The following KAT6A variants were observed in gnomAD, a reference collection of about 807,000 sequenced individuals.
KAT6A encodes the protein lysine acetyltransferase 6A, also known as histone acetyltransferase KAT6A.
A neutral mutation model predicts 198.4 loss-of-function variants in KAT6A; 9 were observed. That is an observed-to-expected ratio of 0.05 (90% CI 0.03 to 0.08). The LOEUF is 0.08. Among genes scored for constraint, KAT6A ranks in the 10% least tolerant of loss-of-function variants. The pLI is 1.00. For synonymous variants in KAT6A, 890 were observed against 883.0 expected (o/e 1.01, Z -0.14); for missense variants, 2,077 against 2,509.9 (o/e 0.83, Z 3.69).
chr8:41,937,314 G>C lies in KAT6A; in HGVS notation c.3294C>G (p.Ser1098=), dbSNP rs1449293048. Reference sequence around the variant, plus strand: ...CATCTTTAGACTTCCTCTTAGAAGAGGACTGACACCTGAGTACATCCTGCG... The same window carrying C: ...CATCTTTAGACTTCCTCTTAGAAGACGACTGACACCTGAGTACATCCTGCG... ...LSSQDVLRCQ[S]SSKRKSKDEE... The change falls in exon 16 of 17, where the codon TCC becomes TCG. Residue 1098 remains serine (S), a synonymous_variant. Coordinates refer to ENST00000265713, the MANE Select transcript of KAT6A (RefSeq NM_006766.5). 6.2e-7 allele frequency: 1 copy of C among 1,614,080 alleles called. No individual in the cohort carries two copies. Among genetic ancestry groups the C allele is most frequent in the Admixed American group, 1.7e-5 (1 of 60,024 alleles).
chr8:41,984,036 C>A (rs1200286219), intron 3 of KAT6A, among the ~76,000 whole-genome samples: 3 of 152,212 alleles, frequency 2.0e-5, no homozygotes, highest in Non-Finnish European at 4.4e-5. Context: ...TATTTTCCCC[C>A]AAATTATTCT....
At chr8:41,998,829 C>T (rs1825351439) in intron 2 of KAT6A, among the ~76,000 whole-genome samples, 1 of 151,726 alleles carries the variant, frequency 6.6e-6, no homozygotes, top group Non-Finnish European at 1.5e-5. Context: ...AAGTACACAC[C>T]TGCAAAAGAT....
At chr8:41,975,860 T>G (rs920654804) in intron 7 of KAT6A, among the ~76,000 whole-genome samples, 5 of 152,202 alleles carry the variant, frequency 3.3e-5, no homozygotes, top group African/African-American at 4.8e-5. Context: ...ATAAACCGTC[T>G]CCAGTACAAA....
intron 2 of KAT6A, among the ~76,000 whole-genome samples, chr8:42,047,792 C>G (rs899332924): frequency 6.6e-6 from 1 of 152,166 alleles, no homozygotes; most frequent in Non-Finnish European, 1.5e-5. Context: ...AGGACTTCAT[C>G]ATATGCAAAG....
chr8:42,048,444 C>T lies in KAT6A; in HGVS notation c.534G>A (p.Gly178=), dbSNP rs1350731443. ...RLNTKATNVD[G]KESCESLSCL... is the part of the protein sequence containing the mutation. ...AGGAAAGAGACTCACAACTCTCTTTCCCATCCACGTTGGTTGCTTTAGTGT... is the reference window on the plus strand; with the variant it reads ...AGGAAAGAGACTCACAACTCTCTTTTCCATCCACGTTGGTTGCTTTAGTGT... Residue 178 remains glycine, a synonymous_variant, in exon 2 of 17, where the codon GGG becomes GGA. Coordinates refer to ENST00000265713, the MANE Select transcript of KAT6A (RefSeq NM_006766.5). The T allele has an allele frequency of 1.2e-6, 2 of 1,613,922 alleles. No homozygotes were observed. Among genetic ancestry groups the T allele is most frequent in the South Asian group, 2.2e-5 (2 of 91,080 alleles).
In KAT6A at chr8:41,930,745, T is replaced by A. The variant is rs1821500481; in HGVS notation, c.*1460A>T. On this transcript the variant is annotated 3_prime_UTR_variant, in exon 17 of 17. Coordinates refer to ENST00000265713, the MANE Select transcript of KAT6A (RefSeq NM_006766.5). ...ATATATATATTTTTTTTTTTTTTTTTTTTTTTTTTACCTATCCCTGGAGCA... is the reference window on the plus strand; with the variant it reads ...ATATATATATTTTTTTTTTTTTTTTATTTTTTTTTACCTATCCCTGGAGCA... 1 of 151,576 alleles carries A rather than the reference T, an allele frequency of 6.6e-6. No individual in the cohort carries two copies. The highest frequency in any genetic ancestry group is 1.4e-5 in the Non-Finnish European group (1 of 71,490). The allele number at this position is 151,576 out of a possible 1,614,324, so 9.4% of individuals were successfully genotyped here. A position where few individuals can be genotyped will look rare whatever the true frequency, so the allele number is the denominator to read the frequency against.
intron 2 of KAT6A, among the ~76,000 whole-genome samples, chr8:41,998,828 C>G (rs1203889256): frequency 6.6e-6 from 1 of 151,688 alleles, no homozygotes; most frequent in African/African-American, 2.4e-5. Flanking sequence ...AAAGTACACA[C>G]CTGCAAAAGA....
intron 2 of KAT6A, among the ~76,000 whole-genome samples, chr8:42,030,563 T>A (rs1827055756): frequency 6.6e-6 from 1 of 151,986 alleles, no homozygotes; most frequent in Admixed American, 6.6e-5. Flanking sequence ...TTTATTTTAT[T>A]TTATTATTAT....
At chr8:41,977,630 CAT>C (rs1205053546) in intron 6 of KAT6A, 4 of 246,152 alleles carry the variant, frequency 1.6e-5, no homozygotes, top group African/African-American at 9.0e-5. Context: ...TTTTTCTAAA[CAT>C]ATGTCAGTGC....
rs567160371 is a variant in KAT6A, at chr8:42,041,026, C to T, written c.600+7352G>A. On this transcript the variant is annotated intron_variant, in intron 2 of 16. Transcript: ENST00000265713. ...TCTGGCCAACACAGTGAAGCCCCAT[C>T]TTTACTAAAAATACAAAAATTAGCC... is the stretch of plus-strand genomic sequence containing the variant. Among the ~76,000 whole-genome samples, 3 of 151,714 alleles carry T rather than the reference C, an allele frequency of 2.0e-5. No individual in the cohort carries two copies. The South Asian group carries it at 6.2e-4, about 32-fold the overall frequency.
intron 8 of KAT6A, among the ~76,000 whole-genome samples, chr8:41,964,618 C>T (rs893043840): frequency 1.8e-5 from 2 of 114,256 alleles, no homozygotes; most frequent in African/African-American, 4.0e-5. Context: ...TGCAAATATT[C>T]CAAAATCTGA....
In KAT6A at chr8:41,992,809, G is replaced by T. The variant is rs1456798068; in HGVS notation, c.601-5246C>A. Among the ~76,000 whole-genome samples the T allele has an allele frequency of 2.0e-5, 3 of 152,178 alleles. No homozygotes were observed. The East Asian group carries it at 5.8e-4, about 29-fold the overall frequency. On this transcript the variant is annotated intron_variant, in intron 2 of 16. Coordinates refer to ENST00000265713, the MANE Select transcript of KAT6A (RefSeq NM_006766.5). ...ACCAAAATTAACATATTTAAGTATA[G>T]CAAAGTACTTGGCCAATCTACTATA...
At chr8:42,032,298 A>G (rs1433519434) in intron 2 of KAT6A, among the ~76,000 whole-genome samples, 8 of 152,190 alleles carry the variant, frequency 5.3e-5, no homozygotes, top group African/African-American at 1.9e-4. Context: ...AAACTTGGCA[A>G]TCATAGCACC....
rs144082649 is a variant in KAT6A at position 41,987,746 on chromosome 8, G to A, written c.601-183C>T. Among the ~76,000 whole-genome samples, 1,259 of 152,218 alleles carry A rather than the reference G, an allele frequency of 8.3e-3. 17 individuals are homozygous for A. The highest frequency in any genetic ancestry group is 0.029 in the African/African-American group (1,218 of 41,524). ...CTGCTCTGGCTGGGCCTTTACAACT[G>A]GTCCTTGTTATGACCATTTAGAAAC... On this transcript the variant is annotated intron_variant, in intron 2 of 16. Coordinates refer to ENST00000265713, the MANE Select transcript of KAT6A (RefSeq NM_006766.5).
In KAT6A at chr8:41,977,084, T is replaced by A; in HGVS notation, c.1287A>T (p.Glu429Asp). The A allele has an allele frequency of 6.2e-7, 1 of 1,614,206 alleles. No homozygotes were observed. Among genetic ancestry groups the A allele is most frequent in the Non-Finnish European group, 8.5e-7 (1 of 1,180,014 alleles). The change falls in exon 7 of 17, where the codon GAA becomes GAT. Residue 429 changes from glutamate to aspartate, a missense_variant. Transcript: ENST00000265713. ...GATATTGCTCAGAGTAGTCCACCACTTCCCCCCGAGCTTTCCGCCCATCAG... is the reference window on the plus strand; with the variant it reads ...GATATTGCTCAGAGTAGTCCACCACATCCCCCCGAGCTTTCCGCCCATCAG... ...PSPDGRKARG[E>D]VVDYSEQYRI...
chr8:42,038,092 C>A (rs1827467245), intron 2 of KAT6A, among the ~76,000 whole-genome samples: 1 of 152,182 alleles, frequency 6.6e-6, no homozygotes, highest in African/African-American at 2.4e-5. Context: ...TTGTACCTTG[C>A]TATCTCTAGC....
intron 2 of KAT6A, among the ~76,000 whole-genome samples, chr8:42,010,639 T>G (rs1825979601): frequency 6.6e-6 from 1 of 152,186 alleles, no homozygotes; most frequent in Non-Finnish European, 1.5e-5. Flanking sequence ...CACTGGGGTA[T>G]GTGAGACAGC....
At chr8:41,997,359 T>C (rs1204944231) in intron 2 of KAT6A, among the ~76,000 whole-genome samples, 1 of 152,142 alleles carries the variant, frequency 6.6e-6, no homozygotes, top group East Asian at 1.9e-4. Flanking sequence ...CCTAGGAATA[T>C]GTTAAATCTG....
chr8:41,939,931 G>A (rs1442183280), intron 15 of KAT6A, among the ~76,000 whole-genome samples: 2 of 152,222 alleles, frequency 1.3e-5, no homozygotes, highest in African/African-American at 2.4e-5. Flanking sequence ...AATAATAGAG[G>A]AAACTGGCTG....
Sources: allele counts gnomAD v4.1 joint callset (sites outside exome capture counted in the v4.1 genomes callset), GRCh38; gene constraint gnomAD v4.1.1; transcripts MANE v1.5; gene names NCBI Gene and HGNC (gene_info 2026-07-23, HGNC 2026-07-21).